Variants in NRTN observed in about 807,000 individuals in gnomAD.
NRTN encodes neurturin, also known as prepro-neurturin.
Under a neutral mutation model 7.5 loss-of-function variants are expected in NRTN, and 3 were observed. The observed-to-expected ratio is 0.40, with a 90% CI of 0.18 to 1.03. The LOEUF is 1.03. Ranked by LOEUF, NRTN falls within the 50% of genes least tolerant of loss-of-function variation. The probability of loss-of-function intolerance (pLI) is 0.34; values close to 1 mark genes in which losing one functional copy is unlikely to be tolerated. For synonymous variants in NRTN, 157 were observed against 146.6 expected (o/e 1.07, Z -0.51); for missense variants, 310 against 307.0 (o/e 1.01, Z -0.07).
chr19:5,824,988 G>A (rs934393995), intron 2 of NRTN, among the ~76,000 whole-genome samples: 1 of 152,072 alleles, frequency 6.6e-6, no homozygotes, highest in South Asian at 2.1e-4. Flanking sequence ...TGGCCCCCGC[G>A]GCGCAGCAGG....
At chr19:5,810,756 C>T (rs971959865) in intron 1 of NRTN, among the ~76,000 whole-genome samples, 2 of 151,758 alleles carry the variant, frequency 1.3e-5, no homozygotes, top group Non-Finnish European at 2.9e-5. Context: ...TGGTGAAACC[C>T]CATCTCTACT....
Position 5,828,019 on chromosome 19 carries a change from G to T in NRTN, c.440G>T (p.Arg147Leu), listed in dbSNP as rs748682606. The T allele has an allele frequency of 2.8e-6, 4 of 1,429,510 alleles. No individual in the cohort carries two copies. In the African/African-American group the frequency reaches 4.5e-5, roughly 16 times the overall value. The allele number at this position is 1,429,510 out of a possible 1,614,324, so 88.6% of individuals were successfully genotyped here. A position where few individuals can be genotyped will look rare whatever the true frequency, so the allele number is the denominator to read the frequency against. Residue 147 changes from arginine to leucine, a missense_variant, in exon 3 of 3, where the codon CGA becomes CTA. Physicochemically the swap from Arg to Leu is moderately radical, Grantham distance 102. Transcript: ENST00000303212. ...AARVYDLGLR[R>L]LRQRRRLRRE... ...CGCGTCTACGACCTCGGGCTGCGAC[G>T]ACTGCGCCAGCGGCGGCGCCTGCGG...
At chr19:5,810,923 A>T (rs1434708167) in intron 1 of NRTN, among the ~76,000 whole-genome samples, 2 of 147,672 alleles carry the variant, frequency 1.4e-5, no homozygotes, top group Admixed American at 1.3e-4. Context: ...GCGAGACTCC[A>T]TCTCAAAAAA....
At chr19:5,827,696 T>G in intron 2 of NRTN, 53 bp from the exon 3 acceptor site, 7 of 426,636 alleles carry the variant, frequency 1.6e-5, no homozygotes, top group Non-Finnish European at 2.3e-5. Flanking sequence ...GGGGGCTCCC[T>G]CCCACCCCCT....
At chr19:5,811,565 C>T (rs1460696368) in intron 1 of NRTN, among the ~76,000 whole-genome samples, 1 of 152,172 alleles carries the variant, frequency 6.6e-6, no homozygotes, top group East Asian at 1.9e-4. Flanking sequence ...CGGAGTCTCG[C>T]CCTGTCGCCT....
At chr19:5,815,624 C>G (rs976650782) in intron 1 of NRTN, among the ~76,000 whole-genome samples, 7 of 151,310 alleles carry the variant, frequency 4.6e-5, no homozygotes, top group Admixed American at 6.6e-5. Context: ...TTAGTAGAGA[C>G]GGGGTTTCGC....
Position 5,806,931 on chromosome 19 carries a change from G to A in NRTN, c.-399+1480G>A, listed in dbSNP as rs142423322. On this transcript the variant is annotated intron_variant, in intron 1 of 2. Coordinates refer to ENST00000303212, the MANE Select transcript of NRTN (RefSeq NM_004558.5). The surrounding 1 kb of genome is among the most constrained non-coding windows in gnomAD (Gnocchi z 5.4). ...CGACAAATGTGTGTCGATGGCAACC[G>A]CGTGGTTGACTGGTGTCAGGGTTGT... is the stretch of plus-strand genomic sequence containing the variant. Among the ~76,000 whole-genome samples, 274 of 152,288 alleles carry A rather than the reference G, an allele frequency of 1.8e-3. 4 individuals are homozygous for A. Among genetic ancestry groups the A allele is most frequent in the East Asian group, 3.1e-3 (16 of 5,186 alleles).
chr19:5,811,894 A>G (rs1380054702), intron 1 of NRTN, among the ~76,000 whole-genome samples: 1 of 145,532 alleles, frequency 6.9e-6, no homozygotes, highest in Admixed American at 6.9e-5. Flanking sequence ...TTTTTGAGAC[A>G]GAGTTCGCTC....
At chr19:5,824,394 A>G in intron 2 of NRTN, 60 bp downstream of exon 2, 1 of 1,540,370 alleles carries the variant, frequency 6.5e-7, no homozygotes, top group Non-Finnish European at 8.7e-7. Context: ...AATTTCAGGC[A>G]GTGGAGTGGG....
chr19:5,827,828 G>A lies in NRTN; in HGVS notation c.249G>A (p.Pro83=), dbSNP rs1599641207. Residue 83 remains proline, a synonymous_variant, in exon 3 of 3, where the codon CCG becomes CCA. Transcript: ENST00000303212. The stretch of plus-strand genomic sequence containing the variant: ...CCTGGGCTGGGCGGCCCCCAGGTCC[G>A]CGCCGTCGGGCGGGGCCCCGGCGGC... ...LTPWAGRPPG[P]RRRAGPRRRR... is the part of the protein sequence containing the mutation. The A allele has an allele frequency of 1.7e-6, 2 of 1,161,954 alleles. No individual in the cohort carries two copies. Among genetic ancestry groups the A allele is most frequent in the East Asian group, 8.4e-5 (2 of 23,758 alleles). 72.0% of individuals were successfully genotyped at this position (1,161,954 alleles called of 1,614,324 possible).
chr19:5,808,967 G>C (rs565986622), intron 1 of NRTN, among the ~76,000 whole-genome samples: 1 of 152,006 alleles, frequency 6.6e-6, no homozygotes, highest in African/African-American at 2.4e-5. Flanking sequence ...GTGTTAGCCA[G>C]GATGGTCTTG....
chr19:5,826,018 C>A (rs2057044693), intron 2 of NRTN, among the ~76,000 whole-genome samples: 1 of 152,086 alleles, frequency 6.6e-6, no homozygotes. Context: ...GCCTGTAGTC[C>A]CAGCTACTCG....
At chr19:5,811,778 T>A (rs2056991332) in intron 1 of NRTN, among the ~76,000 whole-genome samples, 1 of 151,768 alleles carries the variant, frequency 6.6e-6, no homozygotes, top group Non-Finnish European at 1.5e-5. Context: ...CTCGAACTCC[T>A]GGCCTAAAGT....
At chr19:5,826,631 C>T (rs1168518386) in intron 2 of NRTN, among the ~76,000 whole-genome samples, 2 of 152,172 alleles carry the variant, frequency 1.3e-5, no homozygotes, top group Admixed American at 6.5e-5. Flanking sequence ...CTAAAGATTT[C>T]CTCTCCCAAC....
intron 1 of NRTN, among the ~76,000 whole-genome samples, chr19:5,814,063 G>C (rs755164551): frequency 6.6e-6 from 1 of 152,102 alleles, no homozygotes; most frequent in Non-Finnish European, 1.5e-5. Context: ...GGAGTGAAAC[G>C]GAGAGGAAGG....
intron 1 of NRTN, among the ~76,000 whole-genome samples, chr19:5,819,914 T>TC (rs1491204904): frequency 6.6e-6 from 1 of 151,942 alleles, no homozygotes; most frequent in African/African-American, 2.4e-5. Context: ...TTGGAATGAC[T>TC]ATATCTGTGT....
intron 2 of NRTN, among the ~76,000 whole-genome samples, chr19:5,824,918 G>A (rs537253786): frequency 7.2e-5 from 11 of 152,164 alleles, no homozygotes; most frequent in Non-Finnish European, 1.2e-4. Flanking sequence ...CAAGGAATTA[G>A]GCTCTGCCCT....
intron 1 of NRTN, among the ~76,000 whole-genome samples, chr19:5,820,865 C>T (rs544885914): frequency 6.6e-6 from 1 of 152,176 alleles, no homozygotes; most frequent in Non-Finnish European, 1.5e-5. Context: ...ATGGCCCACA[C>T]GAGGCCCTGC....
At chr19:5,826,926 G>A (rs942555370) in intron 2 of NRTN, among the ~76,000 whole-genome samples, 1 of 152,088 alleles carries the variant, frequency 6.6e-6, no homozygotes, top group Admixed American at 6.6e-5. Flanking sequence ...GCTCTCTCTC[G>A]GCCACCTGCT....
Sources: allele counts gnomAD v4.1 joint callset (sites outside exome capture counted in the v4.1 genomes callset), GRCh38; gene constraint gnomAD v4.1.1; non-coding constraint Gnocchi (gnomAD v3.1); transcripts MANE v1.5; gene names NCBI Gene and HGNC (gene_info 2026-07-23, HGNC 2026-07-21).